CEP128: variants seen among roughly 807,000 people sequenced by gnomAD.
The protein encoded by CEP128 is centrosomal protein 128kDa.
CEP128 carries 132 observed loss-of-function variants against 156.7 expected under a neutral mutation model. The observed-to-expected ratio is 0.84, with a 90% CI of 0.73 to 0.97. The LOEUF is 0.97. Among genes scored for constraint, CEP128 ranks in the 50% least tolerant of loss-of-function variants. The pLI, the probability that CEP128 is intolerant of heterozygous loss-of-function variation, is 0.00. For synonymous variants in CEP128, 469 were observed against 448.9 expected (o/e 1.04, Z -0.57); for missense variants, 1,252 against 1,281.9 (o/e 0.98, Z 0.36).
At chr14:80,842,036 T>G (rs1210009037) in intron 9 of CEP128, among the ~76,000 whole-genome samples, 1 of 152,084 alleles carries the variant, frequency 6.6e-6, no homozygotes, top group African/African-American at 2.4e-5. Flanking sequence ...ACTTAGAAAT[T>G]TGCTAAAATA....
intron 2 of CEP128, among the ~76,000 whole-genome samples, chr14:80,931,963 C>G (rs1405003043): frequency 2.0e-5 from 3 of 152,156 alleles, no homozygotes; most frequent in Non-Finnish European, 1.5e-5. Context: ...TTGTAGTTCT[C>G]GTAATCCCCA....
chr14:80,529,663 A>T (rs1468452415), intron 22 of CEP128, among the ~76,000 whole-genome samples: 1 of 152,224 alleles, frequency 6.6e-6, no homozygotes, highest in East Asian at 1.9e-4. Context: ...TGAAAATAAT[A>T]TGGGCATAAC....
At chr14:80,899,451 T>C (rs1293357356) in intron 7 of CEP128, among the ~76,000 whole-genome samples, 1 of 152,194 alleles carries the variant, frequency 6.6e-6, no homozygotes, top group Non-Finnish European at 1.5e-5. Context: ...TTGGGGACTA[T>C]CCAGAATTGA....
chr14:80,723,072 C>T (rs1358786335), intron 19 of CEP128, among the ~76,000 whole-genome samples: 2 of 151,952 alleles, frequency 1.3e-5, no homozygotes, highest in Admixed American at 6.6e-5. Flanking sequence ...GTGATCCGCC[C>T]GCCTCGGCCT....
At chr14:80,887,823 A>T (rs894449009) in intron 8 of CEP128, among the ~76,000 whole-genome samples, 1 of 152,142 alleles carries the variant, frequency 6.6e-6, no homozygotes, top group African/African-American at 2.4e-5. Flanking sequence ...ACCTTCGAAA[A>T]ATCAAGGAAT....
intron 19 of CEP128, among the ~76,000 whole-genome samples, chr14:80,636,002 T>C (rs941289351): frequency 1.3e-5 from 2 of 152,256 alleles, no homozygotes; most frequent in East Asian, 1.9e-4. Flanking sequence ...ATTATGTATA[T>C]GCAAATATTC....
chr14:80,483,460 T>C (rs147578663), intron 14 of CEP128, among the ~76,000 whole-genome samples: 2 of 152,344 alleles, frequency 1.3e-5, no homozygotes, highest in Non-Finnish European at 2.9e-5. Context: ...TTGGTGTGGT[T>C]TTCATGCCAT....
intron 19 of CEP128, among the ~76,000 whole-genome samples, chr14:80,714,066 G>T (rs1441726923): frequency 6.6e-6 from 1 of 152,096 alleles, no homozygotes; most frequent in Admixed American, 6.5e-5. Flanking sequence ...TTAATATTTG[G>T]AGAAGATAAA....
At chr14:80,809,483 A>T (rs1242317900) in intron 13 of CEP128, among the ~76,000 whole-genome samples, 1 of 152,196 alleles carries the variant, frequency 6.6e-6, no homozygotes, top group African/African-American at 2.4e-5. Flanking sequence ...GTCTTGAGAA[A>T]TATTTAGACA....
At chr14:80,808,645 G>A (rs1884325626) in intron 13 of CEP128, among the ~76,000 whole-genome samples, 1 of 152,088 alleles carries the variant, frequency 6.6e-6, no homozygotes, top group Non-Finnish European at 1.5e-5. Flanking sequence ...TTGCCACTAT[G>A]AAGACCGAAA....
intron 8 of CEP128, among the ~76,000 whole-genome samples, chr14:80,869,334 C>G (rs540558410): frequency 1.3e-5 from 2 of 151,866 alleles, no homozygotes; most frequent in Non-Finnish European, 2.9e-5. Context: ...GGAAATTAAA[C>G]TACACAATTC....
chr14:80,811,735 A>G (rs922743999), intron 13 of CEP128, among the ~76,000 whole-genome samples: 1 of 150,026 alleles, frequency 6.7e-6, no homozygotes, highest in Non-Finnish European at 1.5e-5. Context: ...GTATGTATGT[A>G]TTATCCAGAT....
At chr14:80,813,998 T>C (rs1402756228) in intron 13 of CEP128, among the ~76,000 whole-genome samples, 1 of 152,212 alleles carries the variant, frequency 6.6e-6, no homozygotes, top group Non-Finnish European at 1.5e-5. Context: ...AGGTTGGCAA[T>C]TATTTTGTTG....
intron 15 of CEP128, among the ~76,000 whole-genome samples, chr14:80,778,392 C>G (rs1006595795): frequency 6.6e-6 from 1 of 152,126 alleles, no homozygotes; most frequent in Non-Finnish European, 1.5e-5. Context: ...AGAAGAGACA[C>G]CAGCTCTGCT....
At chr14:80,486,546 C>G (rs1013326074), downstream of CEP128, among the ~76,000 whole-genome samples, 3 of 151,838 alleles carry the variant, frequency 2.0e-5, no homozygotes, top group African/African-American at 7.3e-5. Context: ...TCGAGAAGAG[C>G]AACTCCAAGA....
intron 21 of CEP128, 147 bp downstream of exon 21, chr14:80,559,132 A>G: frequency 1.4e-6 from 1 of 706,512 alleles, no homozygotes. Context: ...TACCTTTTAG[A>G]TACAGTTTAG....
intron 9 of CEP128, among the ~76,000 whole-genome samples, chr14:80,854,531 G>A (rs1209276201): frequency 3.3e-5 from 5 of 152,032 alleles, no homozygotes; most frequent in East Asian, 1.9e-4. Context: ...CTTCCAGGCC[G>A]TCAACATGAG....
At chr14:80,919,134 T>A (rs1884715886) in intron 2 of CEP128, among the ~76,000 whole-genome samples, 1 of 152,176 alleles carries the variant, frequency 6.6e-6, no homozygotes, top group Non-Finnish European at 1.5e-5. Context: ...TAGTTGTTAA[T>A]GAGAACAAGG....
At chr14:80,528,374 C>T (rs556116712) in intron 22 of CEP128, among the ~76,000 whole-genome samples, 7 of 152,360 alleles carry the variant, frequency 4.6e-5, no homozygotes, top group East Asian at 3.9e-4. Flanking sequence ...CTGCAACCTC[C>T]GCCGCCCTGG....
Sources: gnomAD v4.1 joint callset for allele counts (sites outside exome capture counted in the v4.1 genomes callset) on GRCh38, gnomAD v4.1.1 for gene constraint, MANE v1.5 for transcripts, NCBI Gene and HGNC (gene_info 2026-07-23, HGNC 2026-07-21) for gene names.